GMPS: variants seen among roughly 807,000 people sequenced by gnomAD.
The protein encoded by GMPS is GMP synthase [glutamine-hydrolyzing].
In GMPS, 15 loss-of-function variants were observed where a neutral mutation model predicts 77.9. The observed-to-expected ratio is 0.19, with a 90% CI of 0.13 to 0.30. The LOEUF is 0.30. GMPS is among the 10% of genes least tolerant of loss of function. The pLI is 1.00. For synonymous variants in GMPS, 224 were observed against 275.9 expected, an observed-to-expected ratio of 0.81 and a Z score of 1.86; for missense variants, 590 against 838.8, an observed-to-expected ratio of 0.70 and a Z score of 3.66.
intron 11 of GMPS, among the ~76,000 whole-genome samples, chr3:155,924,241 G>A (rs535794828): frequency 6.6e-6 from 1 of 152,330 alleles, no homozygotes; most frequent in East Asian, 1.9e-4. Flanking sequence ...AGAAAGTCAT[G>A]AGATACAAGA....
At chr3:155,924,917 T>C (rs1179113571) in intron 11 of GMPS, among the ~76,000 whole-genome samples, 3 of 152,242 alleles carry the variant, frequency 2.0e-5, no homozygotes, top group Non-Finnish European at 2.9e-5. Context: ...GCTAAAGCTA[T>C]ATTAATTTCA....
chr3:155,891,724 A>C (rs1171421387), intron 1 of GMPS, among the ~76,000 whole-genome samples: 2 of 150,514 alleles, frequency 1.3e-5, no homozygotes, highest in Non-Finnish European at 2.9e-5. Context: ...CTCCTGCCTC[A>C]GCCTCCCGAG....
At chr3:155,907,693 A>G (rs1235068307) in intron 5 of GMPS, among the ~76,000 whole-genome samples, 1 of 152,228 alleles carries the variant, frequency 6.6e-6, no homozygotes, top group Non-Finnish European at 1.5e-5. Flanking sequence ...TCAGAATCAG[A>G]TAGTGTTTAC....
intron 5 of GMPS, among the ~76,000 whole-genome samples, chr3:155,908,393 G>GT (rs1032400850): frequency 2.0e-5 from 3 of 152,310 alleles, no homozygotes; most frequent in South Asian, 2.1e-4. Context: ...TTTGCTGAGA[G>GT]TTTTTTTCCC....
In GMPS at chr3:155,943,636, T is replaced by G. The variant is rs1755947279; in HGVS notation, c.*5944T>G. The G allele has an allele frequency of 5.6e-6, 1 of 177,426 alleles. No homozygotes were observed. The allele number at this position is 177,426 out of a possible 1,614,324, so 11.0% of individuals were successfully genotyped here. A position where few individuals can be genotyped will look rare whatever the true frequency, so the allele number is the denominator to read the frequency against. On this transcript the variant is annotated 3_prime_UTR_variant, in exon 16 of 16. Transcript: ENST00000496455. ...ATTGTAAACTGCAATGTCTATTTTG[T>G]GTTGTAACAATGTTGCCATAAAATA...
intron 1 of GMPS, among the ~76,000 whole-genome samples, chr3:155,881,337 T>C (rs1033766757): frequency 6.6e-6 from 1 of 152,030 alleles, no homozygotes; most frequent in Non-Finnish European, 1.5e-5. Flanking sequence ...CATGCCCGGC[T>C]AATTTTGTAT....
chr3:155,916,055 C>T lies in GMPS; in HGVS notation c.1075C>T (p.Pro359Ser). 6.2e-7 allele frequency: 1 copy of T among 1,613,262 alleles called. No homozygotes were observed. Among genetic ancestry groups the T allele is most frequent in the Admixed American group, 1.7e-5 (1 of 59,962 alleles). The part of the protein sequence containing the change: ...NEVIGEMNLK[P>S]EEVFLAQGTL... ...AGTAATTGGAGAAATGAACTTGAAACCAGAGGAGGTTTTCCTTGCCCAAGG... is the reference window on the plus strand; with the variant it reads ...AGTAATTGGAGAAATGAACTTGAAATCAGAGGAGGTTTTCCTTGCCCAAGG... Residue 359 changes from proline (P) to serine (S), a missense_variant, in exon 9 of 16, where the codon CCA becomes TCA. By Grantham distance (74) the Pro-to-Ser change is moderately conservative. Around this residue, in one of 6 missense-constraint regions of GMPS, gnomAD observed 181 missense variants for 186.8 expected, o/e 0.97. Coordinates refer to ENST00000496455, the MANE Select transcript of GMPS (RefSeq NM_003875.3).
intron 9 of GMPS, among the ~76,000 whole-genome samples, chr3:155,918,520 A>T (rs1553787305): frequency 6.6e-6 from 1 of 152,202 alleles, no homozygotes; most frequent in Non-Finnish European, 1.5e-5. Flanking sequence ...TTTGATTTGC[A>T]TTTCCCTAAT....
intron 11 of GMPS, among the ~76,000 whole-genome samples, chr3:155,924,634 G>C (rs921629616): frequency 6.6e-6 from 1 of 152,078 alleles, no homozygotes. Context: ...AGGAGTAAGA[G>C]TAAAAAATGG....
At chr3:155,892,223 T>C (rs1754488690) in intron 1 of GMPS, among the ~76,000 whole-genome samples, 1 of 152,218 alleles carries the variant, frequency 6.6e-6, no homozygotes, top group African/African-American at 2.4e-5. Context: ...CTTCCTTTTT[T>C]ATACATGCAT....
chr3:155,928,604 T>C (rs1755515740), intron 12 of GMPS, among the ~76,000 whole-genome samples: 1 of 151,588 alleles, frequency 6.6e-6, no homozygotes, highest in Admixed American at 6.6e-5. Flanking sequence ...GTTACATATG[T>C]ATACATGTGC....
rs749924918 is a variant in GMPS at position 155,937,719 on chromosome 3, G to A, written c.*27G>A. ...AAACTTCTTGTTCTATTAAAGTACC[G>A]TGTGCAGTTTAAATTGATTAGAAAT... is the stretch of plus-strand genomic sequence containing the variant. On this transcript the variant is annotated 3_prime_UTR_variant, in exon 16 of 16. Transcript: ENST00000496455. 2.4e-5 allele frequency: 23 copies of A among 945,274 alleles called. No homozygotes were observed. Among genetic ancestry groups the A allele is most frequent in the Non-Finnish European group, 3.1e-5 (18 of 575,854 alleles). The allele number at this position is 945,274 out of a possible 1,614,324, so 58.6% of individuals were successfully genotyped here.
chr3:155,933,009 T>C (rs1755664213), intron 13 of GMPS, among the ~76,000 whole-genome samples: 2 of 151,886 alleles, frequency 1.3e-5, no homozygotes, highest in African/African-American at 2.4e-5. Flanking sequence ...CTGGGCAACA[T>C]GGTGAAACTC....
rs1318213985 is a variant in GMPS at position 155,919,331 on chromosome 3, A to C, written c.1311A>C (p.Pro437=). Residue 437 remains proline, a synonymous_variant, in exon 10 of 16, where the codon CCA becomes CCC. Coordinates refer to ENST00000496455, the MANE Select transcript of GMPS (RefSeq NM_003875.3). ...GLPEELVSRH[P]FPGPGLAIRV... is the part of the protein sequence containing the mutation. ...CAGAAGAGTTAGTTTCCAGGCATCC[A>C]TTTCCAGGTAAAAATTAGAACTGAA... 2 of 1,537,152 alleles carry C rather than the reference A, an allele frequency of 1.3e-6. No homozygotes were observed. Among genetic ancestry groups the C allele is most frequent in the East Asian group, 4.5e-5 (2 of 44,004 alleles).
chr3:155,870,969 G>C (rs1259764155), intron 1 of GMPS, 72 bp downstream of exon 1: 5 of 1,346,338 alleles, frequency 3.7e-6, no homozygotes, highest in Admixed American at 3.5e-5. Context: ...GCCACCCCGC[G>C]AGGCCCTTCC....
intron 1 of GMPS, among the ~76,000 whole-genome samples, chr3:155,889,685 C>G (rs766520825): frequency 6.6e-6 from 1 of 152,206 alleles, no homozygotes; most frequent in East Asian, 1.9e-4. Context: ...TTTCCATAAA[C>G]ATTTCCATCT....
chr3:155,937,558 A>G, intron 15 of GMPS, 33 bp from the exon 16 acceptor site: 1 of 909,454 alleles, frequency 1.1e-6, no homozygotes, highest in Non-Finnish European at 1.8e-6. Context: ...CATGCAGTGG[A>G]TGCTGACTTT....
chr3:155,893,375 G>A (rs1482493481), intron 1 of GMPS, 143 bp from the exon 2 acceptor site: 5 of 575,794 alleles, frequency 8.7e-6, no homozygotes, highest in East Asian at 2.9e-5. Flanking sequence ...CTTTAAAAGG[G>A]GTATTTTGAA....
intron 15 of GMPS, among the ~76,000 whole-genome samples, chr3:155,937,335 GACTAGC>G (rs1456214286): frequency 6.6e-6 from 1 of 152,194 alleles, no homozygotes; most frequent in African/African-American, 2.4e-5. Context: ...ACAACTTGCA[GACTAGC>G]ACCTGTTTGT....
Sources: allele counts gnomAD v4.1 joint callset (sites outside exome capture counted in the v4.1 genomes callset), GRCh38; gene constraint gnomAD v4.1.1; regional missense constraint gnomAD v4.1.1; transcripts MANE v1.5; gene names NCBI Gene and HGNC (gene_info 2026-07-23, HGNC 2026-07-21).